GC: variants seen among roughly 807,000 people sequenced by gnomAD.
The protein encoded by GC is vitamin D-binding protein.
GC carries 43 observed loss-of-function variants against 56.7 expected under a neutral mutation model. The ratio of observed to expected loss-of-function variants is 0.76; its 90% confidence interval spans 0.59 to 0.98. The LOEUF (loss-of-function observed/expected upper bound fraction) is 0.98. Among genes scored for constraint, GC ranks in the 50% least tolerant of loss-of-function variants. The probability of loss-of-function intolerance (pLI) is 0.00; values close to 1 mark genes in which losing one functional copy is unlikely to be tolerated. For missense variants in GC, 529 were observed against 545.9 expected (o/e 0.97, Z 0.31); for synonymous variants, 216 against 202.7 (o/e 1.07, Z -0.56).
intron 1 of GC, among the ~76,000 whole-genome samples, chr4:71,779,110 T>C (rs1742596516): frequency 6.6e-6 from 1 of 151,634 alleles, no homozygotes; most frequent in South Asian, 2.1e-4. Context: ...TAGACATACA[T>C]ATACAAAAAC....
At chr4:71,780,718 TA>T (rs1742648110) in intron 1 of GC, among the ~76,000 whole-genome samples, 1 of 152,166 alleles carries the variant, frequency 6.6e-6, no homozygotes, top group Non-Finnish European at 1.5e-5. Flanking sequence ...TGGCAATCAT[TA>T]AAAAGTCAGG....
intron 6 of GC, among the ~76,000 whole-genome samples, chr4:71,760,534 A>G (rs1741934496): frequency 6.6e-6 from 1 of 152,210 alleles, no homozygotes; most frequent in African/African-American, 2.4e-5. Context: ...GAAGTGCAGC[A>G]TAGAAACTAT....
intron 1 of GC, among the ~76,000 whole-genome samples, chr4:71,799,588 C>G (rs916260243): frequency 7.2e-5 from 11 of 152,142 alleles, no homozygotes; most frequent in Non-Finnish European, 1.2e-4. Context: ...GATGGCTTCC[C>G]CCTCCACTGA....
chr4:71,767,538 G>A (rs893375454), intron 3 of GC, among the ~76,000 whole-genome samples: 1 of 151,200 alleles, frequency 6.6e-6, no homozygotes, highest in African/African-American at 2.4e-5. Flanking sequence ...TGATAAAAGA[G>A]GATAAAGCTA....
intron 12 of GC, among the ~76,000 whole-genome samples, chr4:71,742,152 G>A (rs1452813016): frequency 7.2e-5 from 11 of 152,044 alleles, no homozygotes; most frequent in Admixed American, 6.6e-4. Context: ...ATTTTTAACT[G>A]GTGATGAATG....
intron 11 of GC, among the ~76,000 whole-genome samples, chr4:71,747,784 TAAG>T (rs925964743): frequency 4.6e-5 from 7 of 152,004 alleles, no homozygotes; most frequent in East Asian, 1.9e-4. Flanking sequence ...TTTTTTGAGA[TAAG>T]AAGAAGAGTA....
At chr4:71,762,160 C>T (rs544501408) in intron 6 of GC, among the ~76,000 whole-genome samples, 3 of 152,326 alleles carry the variant, frequency 2.0e-5, no homozygotes, top group South Asian at 4.1e-4. Flanking sequence ...AGAGGTGGAG[C>T]TGCCCAAGAC....
intron 1 of GC, among the ~76,000 whole-genome samples, chr4:71,792,245 T>C (rs1186764765): frequency 6.6e-6 from 1 of 152,188 alleles, no homozygotes; most frequent in African/African-American, 2.4e-5. Flanking sequence ...CGTCACACTG[T>C]TTTCCACAAT....
chr4:71,750,058 A>G (rs1741496488), intron 11 of GC, among the ~76,000 whole-genome samples: 1 of 152,136 alleles, frequency 6.6e-6, no homozygotes, highest in East Asian at 1.9e-4. Context: ...AACATAACAA[A>G]ACAAATAAAA....
chr4:71,793,537 A>G (rs1743020936), intron 1 of GC, among the ~76,000 whole-genome samples: 2 of 152,208 alleles, frequency 1.3e-5, no homozygotes, highest in Non-Finnish European at 2.9e-5. Context: ...ATTGCTTATC[A>G]GCTTCAGGAG....
At chr4:71,754,287 T>C in intron 10 of GC, 124 bp downstream of exon 10, 2 of 604,270 alleles carry the variant, frequency 3.3e-6, no homozygotes, top group Non-Finnish European at 5.9e-6. Flanking sequence ...AAACTCCTAA[T>C]TGAACCTCCT....
rs189480735 is a variant in GC, at chr4:71,748,237, T to G, written c.1396-2032A>C. ...CAAATAGCAATGGCTTAATCAATGA[T>G]AGCTATGACACTGAAGATTATAAAA... On this transcript the variant is annotated intron_variant, in intron 11 of 12. Transcript: ENST00000273951. Among the ~76,000 whole-genome samples, 4 of 152,252 alleles carry G rather than the reference T, an allele frequency of 2.6e-5. No homozygotes were observed. The East Asian group carries it at 7.7e-4, about 29-fold the overall frequency.
At chr4:71,772,567 C>T (rs185844498) in intron 1 of GC, among the ~76,000 whole-genome samples, 1 of 152,120 alleles carries the variant, frequency 6.6e-6, no homozygotes, top group Non-Finnish European at 1.5e-5. Flanking sequence ...ATTTATTTAA[C>T]TATTTGTGTT....
upstream of GC, among the ~76,000 whole-genome samples, chr4:71,789,073 A>G (rs189786425): frequency 1.3e-5 from 2 of 152,044 alleles, no homozygotes; most frequent in Admixed American, 1.3e-4. Context: ...TTTTACAAGT[A>G]TTGACAATTG....
chr4:71,784,376 A>C, upstream of GC: 3 of 979,136 alleles, frequency 3.1e-6, no homozygotes, highest in Non-Finnish European at 3.7e-6. Context: ...AGTAACGCAC[A>C]CCTTCTCCCC....
intron 1 of GC, among the ~76,000 whole-genome samples, chr4:71,781,729 T>C (rs1040836116): frequency 2.6e-5 from 4 of 151,834 alleles, no homozygotes; most frequent in East Asian, 3.9e-4. Flanking sequence ...TTGCTTTTCA[T>C]AGGGTAGCAA....
upstream of GC, chr4:71,784,248 G>T: frequency 8.2e-7 from 1 of 1,224,708 alleles, no homozygotes. Flanking sequence ...ACACCCTGGG[G>T]ATACTGTAGT....
intron 12 of GC, 58 bp downstream of exon 12, chr4:71,746,093 T>C: frequency 1.4e-6 from 1 of 740,498 alleles, no homozygotes. Context: ...TCTTTGATAT[T>C]TAAAATACAT....
chr4:71,805,495 G>A (rs1743344056), upstream of GC, among the ~76,000 whole-genome samples: 1 of 152,152 alleles, frequency 6.6e-6, no homozygotes, highest in African/African-American at 2.4e-5. Context: ...GGACTGTCCA[G>A]CACTAGTGGC....
Sources: gnomAD v4.1 joint callset for allele counts (sites outside exome capture counted in the v4.1 genomes callset) on GRCh38, gnomAD v4.1.1 for gene constraint, MANE v1.5 for transcripts, NCBI Gene and HGNC (gene_info 2026-07-23, HGNC 2026-07-21) for gene names.